Variants in CACNB2 observed in about 807,000 individuals in gnomAD.
CACNB2 encodes calcium voltage-gated channel auxiliary subunit beta 2, also known as voltage-dependent L-type calcium channel subunit beta-2.
In CACNB2, 42 loss-of-function variants were observed where a neutral mutation model predicts 73.3. That is an observed-to-expected ratio of 0.57 (90% CI 0.45 to 0.74). The LOEUF is 0.74. CACNB2 is among the 30% of genes least tolerant of loss of function. CACNB2 has a pLI of 0.00. For missense variants in CACNB2, 940 were observed against 853.0 expected, an observed-to-expected ratio of 1.10 and a Z score of -1.27; for synonymous variants, 348 against 310.3, an observed-to-expected ratio of 1.12 and a Z score of -1.28.
At chr10:18,355,485 TACG>T (rs2041869645) in intron 2 of CACNB2, among the ~76,000 whole-genome samples, 1 of 152,170 alleles carries the variant, frequency 6.6e-6, no homozygotes, top group African/African-American at 2.4e-5. Context: ...CACAAATGAT[TACG>T]ACACTTGAAT....
At chr10:18,438,618 C>T (rs1448970685) in intron 3 of CACNB2, among the ~76,000 whole-genome samples, 1 of 152,220 alleles carries the variant, frequency 6.6e-6, no homozygotes, top group African/African-American at 2.4e-5. Flanking sequence ...CACATCTTCC[C>T]AAAAAGGCCG....
intron 3 of CACNB2, among the ~76,000 whole-genome samples, chr10:18,427,650 A>T (rs1433414950): frequency 6.6e-6 from 1 of 152,150 alleles, no homozygotes; most frequent in Non-Finnish European, 1.5e-5. Flanking sequence ...TATTGATTCA[A>T]ATTCTTTAAC....
In CACNB2 at chr10:18,198,975, A is replaced by G. The variant is rs555423273; in HGVS notation, c.213+48000A>G. ...CAATGTTGGATAATGTCTCATTTAA[A>G]TTTATCTTTTTTTCAGTCTCCCTAG... is the stretch of plus-strand genomic sequence containing the variant. On this transcript the variant is annotated intron_variant, in intron 2 of 13. Coordinates refer to ENST00000324631, the MANE Select transcript of CACNB2 (RefSeq NM_201596.3). Among the ~76,000 whole-genome samples, 11 of 152,300 alleles carry G rather than the reference A, an allele frequency of 7.2e-5. No individual in the cohort carries two copies. In the South Asian group the frequency reaches 2.3e-3, roughly 32 times the overall value.
At chr10:18,434,236 A>G (rs2046025392) in intron 3 of CACNB2, among the ~76,000 whole-genome samples, 1 of 152,192 alleles carries the variant, frequency 6.6e-6, no homozygotes, top group South Asian at 2.1e-4. Flanking sequence ...TAGAGTTCAT[A>G]TATAAATCAT....
chr10:18,462,722 T>TGGA (rs1258875501), intron 3 of CACNB2, among the ~76,000 whole-genome samples: 3 of 152,118 alleles, frequency 2.0e-5, no homozygotes, highest in Non-Finnish European at 4.4e-5. Context: ...CATTTTTTAG[T>TGGA]ATTTTATATT....
Position 18,495,545 on chromosome 10 carries a change from CTGTGTGTGTGTGTGTGTG to C in CACNB2, c.334-2780_334-2763del, listed in dbSNP as rs59858946. Among the ~76,000 whole-genome samples the C allele has an allele frequency of 1.8e-4, 23 of 124,706 alleles. No homozygotes were observed. In the East Asian group the frequency reaches 2.0e-3, roughly 11 times the overall value. The allele number at this position is 124,706 out of a possible 152,430, so 81.8% of individuals were successfully genotyped here. A position where few individuals can be genotyped will look rare whatever the true frequency, so the allele number is the denominator to read the frequency against. On this transcript the variant is annotated intron_variant, in intron 3 of 13. Transcript: ENST00000324631. ...AAATATATTTTTAAAAGTATAAAAA[CTGTGTGTGTGTGTGTGTG>C]TGTGTGTGTGTGTGTGTGTGTGTGT...
intron 2 of CACNB2, among the ~76,000 whole-genome samples, chr10:18,262,580 A>C (rs187541235): frequency 2.6e-5 from 4 of 152,344 alleles, no homozygotes; most frequent in African/African-American, 7.2e-5. Flanking sequence ...ATTGCTTTTT[A>C]AATAAGATTT....
intron 2 of CACNB2, among the ~76,000 whole-genome samples, chr10:18,319,593 A>G (rs1297056749): frequency 6.6e-6 from 1 of 152,188 alleles, no homozygotes; most frequent in Non-Finnish European, 1.5e-5. Context: ...CTGCACATGT[A>G]TCCTGGAGCT....
intron 9 of CACNB2, among the ~76,000 whole-genome samples, chr10:18,522,713 A>G (rs561326511): frequency 6.6e-6 from 1 of 152,094 alleles, no homozygotes; most frequent in East Asian, 1.9e-4. Context: ...CCTCGTCTCT[A>G]CTAAAGATAA....
chr10:18,524,220 G>GT (rs957144663), intron 9 of CACNB2, among the ~76,000 whole-genome samples: 10 of 147,022 alleles, frequency 6.8e-5, no homozygotes, highest in African/African-American at 1.8e-4. Flanking sequence ...TTTTTTTTTT[G>GT]TTTTTTTGTT....
In CACNB2 at chr10:18,301,053, C is replaced by T. The variant is rs536270385; in HGVS notation, c.214-100871C>T. Among the ~76,000 whole-genome samples, 9 of 152,298 alleles carry T rather than the reference C, an allele frequency of 5.9e-5. No individual in the cohort carries two copies. In the South Asian group the frequency reaches 1.9e-3, roughly 32 times the overall value. On this transcript the variant is annotated intron_variant, in intron 2 of 13. Transcript: ENST00000324631. ...CCCAAAAGTGAAAGTGAGATGGAGA[C>T]TCTCAAGGTAGAGAGAAAACCACCA...
chr10:18,480,495 T>A (rs1338812131), intron 3 of CACNB2, among the ~76,000 whole-genome samples: 1 of 152,226 alleles, frequency 6.6e-6, no homozygotes, highest in East Asian at 1.9e-4. Context: ...CTTGCTAGAA[T>A]AATAGCCTCA....
intron 2 of CACNB2, among the ~76,000 whole-genome samples, chr10:18,292,453 C>T (rs758087223): frequency 1.8e-4 from 28 of 152,240 alleles, no homozygotes; most frequent in African/African-American, 6.0e-4. Flanking sequence ...GTCAAGAGTT[C>T]GAGACCAGCC....
At chr10:18,524,611 C>T (rs941422146) in intron 9 of CACNB2, among the ~76,000 whole-genome samples, 1 of 144,102 alleles carries the variant, frequency 6.9e-6, no homozygotes, top group African/African-American at 2.6e-5. Context: ...GCCAAGATCA[C>T]ACCATTGCAT....
intron 5 of CACNB2, 40 bp downstream of exon 5, chr10:18,500,988 T>C: frequency 2.5e-6 from 4 of 1,583,112 alleles, no homozygotes; most frequent in Non-Finnish European, 3.5e-6. Flanking sequence ...AAACTTAGAT[T>C]ATACCACTAT....
chr10:18,172,594 T>A (rs749200149), intron 2 of CACNB2, among the ~76,000 whole-genome samples: 7 of 152,202 alleles, frequency 4.6e-5, no homozygotes, highest in Non-Finnish European at 1.0e-4. Flanking sequence ...AGACTGGATG[T>A]GAAACCCTTG....
intron 2 of CACNB2, among the ~76,000 whole-genome samples, chr10:18,297,241 A>G (rs1365373814): frequency 6.6e-6 from 1 of 152,192 alleles, no homozygotes; most frequent in Admixed American, 6.5e-5. Context: ...GAAGCACATC[A>G]TAATCCTTTA....
intron 3 of CACNB2, among the ~76,000 whole-genome samples, chr10:18,454,840 G>A (rs925788491): frequency 2.0e-5 from 3 of 152,116 alleles, no homozygotes; most frequent in African/African-American, 7.2e-5. Flanking sequence ...GGAGTTCAAG[G>A]CCTGCCTGGG....
intron 3 of CACNB2, among the ~76,000 whole-genome samples, chr10:18,489,359 T>G (rs1400398684): frequency 8.5e-6 from 1 of 117,508 alleles, no homozygotes; most frequent in Non-Finnish European, 1.6e-5. Context: ...CATTGCACCC[T>G]AGCCTGGGCA....
Sources: allele counts gnomAD v4.1 joint callset (sites outside exome capture counted in the v4.1 genomes callset), GRCh38; gene constraint gnomAD v4.1.1; transcripts MANE v1.5; gene names NCBI Gene and HGNC (gene_info 2026-07-23, HGNC 2026-07-21).